The following SDR16C5 variants were observed in gnomAD, a reference collection of about 807,000 sequenced individuals.
SDR16C5 encodes epidermal retinol dehydrogenase 2.
A neutral mutation model predicts 27.7 loss-of-function variants in SDR16C5; 20 were observed. That is an observed-to-expected ratio of 0.72 (90% CI 0.51 to 1.05). The LOEUF is 1.05. SDR16C5 is among the 50% of genes least tolerant of loss of function. The pLI, the probability that SDR16C5 is intolerant of heterozygous loss-of-function variation, is 0.00. For missense variants in SDR16C5, 374 were observed against 366.3 expected, an observed-to-expected ratio of 1.02 and a Z score of -0.17; for synonymous variants, 139 against 132.3, an observed-to-expected ratio of 1.05 and a Z score of -0.35.
chr8:56,316,333 C>T lies in SDR16C5; in HGVS notation c.15G>A (p.Leu5=). 1 of 1,612,498 alleles carries T rather than the reference C, an allele frequency of 6.2e-7. No individual in the cohort carries two copies. The highest frequency in any genetic ancestry group is 8.5e-7 in the Non-Finnish European group (1 of 1,178,608). The part of the protein sequence containing the change: MSFN[L]QSSKKLFIFL... ...AAATGAACAGTTTCTTTGATGATTG[C>T]AGGTTGAAAGACATGTTCTGGCTGA... is the stretch of plus-strand genomic sequence containing the variant. Residue 5 remains leucine (L), a synonymous_variant, in exon 2 of 7, where the codon CTG becomes CTA. Transcript: ENST00000303749.
Position 56,312,126 on chromosome 8 carries a change from T to C in SDR16C5, c.465+31A>G, listed in dbSNP as rs779761670. 4.5e-6 allele frequency: 7 copies of C among 1,567,614 alleles called. 1 individual carries two copies. In the South Asian group the frequency reaches 7.9e-5, roughly 18 times the overall value. On this transcript the variant is annotated intron_variant, in intron 3 of 6. Transcript: ENST00000303749. ...ATACTTCCAAATGCCAGAATAATTT[T>C]ACATTTATGATGAGAAGAAACAATT...
intron 2 of SDR16C5, among the ~76,000 whole-genome samples, chr8:56,314,775 C>A (rs1237629985): frequency 1.3e-5 from 2 of 152,192 alleles, no homozygotes; most frequent in Admixed American, 6.5e-5. Flanking sequence ...GACCTGCAAA[C>A]CTTAGCAAGG....
At chr8:56,311,503 G>A (rs901171856) in intron 3 of SDR16C5, among the ~76,000 whole-genome samples, 3 of 152,192 alleles carry the variant, frequency 2.0e-5, no homozygotes, top group Non-Finnish European at 4.4e-5. Context: ...CATGCATAGT[G>A]TGGGGAGGCC....
intron 6 of SDR16C5, 26 bp downstream of exon 6, chr8:56,305,571 G>T (rs1814860010): frequency 7.1e-6 from 11 of 1,549,752 alleles, no homozygotes; most frequent in Non-Finnish European, 9.5e-6. Context: ...GCATGTTAGG[G>T]AAGTAATAGA....
At chr8:56,308,712 G>T (rs996451089) in intron 4 of SDR16C5, among the ~76,000 whole-genome samples, 1 of 152,166 alleles carries the variant, frequency 6.6e-6, no homozygotes, top group Non-Finnish European at 1.5e-5. Context: ...TACTGCATAA[G>T]ACCTAATGAT....
At position 56,300,269 on chromosome 8, in the gene SDR16C5, C is replaced by T. The variant is rs1464914417; in HGVS notation, c.*1211G>A. Reference sequence around the variant, plus strand: ...ACTCAAGGTAAACCATAGTGGATTCCAGAGTTTACACCCCCTGAGACTGCT... The same window carrying T: ...ACTCAAGGTAAACCATAGTGGATTCTAGAGTTTACACCCCCTGAGACTGCT... On this transcript the variant is annotated 3_prime_UTR_variant, in exon 7 of 7. Coordinates refer to ENST00000303749, the MANE Select transcript of SDR16C5 (RefSeq NM_138969.4). 6.6e-6 allele frequency: 1 copy of T among 151,796 alleles called. No homozygotes were observed. The allele number at this position is 151,796 out of a possible 1,614,324, so 9.4% of individuals were successfully genotyped here.
At chr8:56,306,079 G>C (rs943550053) in intron 5 of SDR16C5, among the ~76,000 whole-genome samples, 53 of 152,100 alleles carry the variant, frequency 3.5e-4, no homozygotes, top group Non-Finnish European at 6.9e-4. Flanking sequence ...CTACGGACTG[G>C]GTATTTGTGT....
chr8:56,312,132 TATG>T, intron 3 of SDR16C5, 22 bp downstream of exon 3: 1 of 1,582,872 alleles, frequency 6.3e-7, no homozygotes, highest in Non-Finnish European at 8.7e-7. Context: ...ATTTTACATT[TATG>T]ATGAGAAGAA....
In SDR16C5 at chr8:56,316,377, G is replaced by C; in HGVS notation, c.-14-16C>G. On this transcript the variant is annotated splice_polypyrimidine_tract_variant and intron_variant, in intron 1 of 6. Transcript: ENST00000303749. ...TGGCTGACACCTGTGAAGAAAGACAGATTCACATGAAGACTTATTTGTCCA... is the reference window on the plus strand; with the variant it reads ...TGGCTGACACCTGTGAAGAAAGACACATTCACATGAAGACTTATTTGTCCA... The C allele has an allele frequency of 6.7e-7, 1 of 1,489,932 alleles. No individual in the cohort carries two copies. The highest frequency in any genetic ancestry group is 1.4e-5 in the African/African-American group (1 of 72,422). 92.3% of individuals were successfully genotyped at this position (1,489,932 alleles called of 1,614,324 possible). A position where few individuals can be genotyped will look rare whatever the true frequency, so the allele number is the denominator to read the frequency against.
Position 56,318,026 on chromosome 8 carries a change from G to A in SDR16C5, c.-14-1665C>T, listed in dbSNP as rs73598192. ...GCAGTGTGCTATGGAGAGGATGATC[G>A]GAGAGCTGATTCAGATTGGGCTTGG... On this transcript the variant is annotated intron_variant, in intron 1 of 6. Transcript: ENST00000303749. 5.5e-3 allele frequency among the ~76,000 whole-genome samples: 840 copies of A among 152,252 alleles called. 5 individuals carry two copies. Among genetic ancestry groups the A allele is most frequent in the African/African-American group, 0.018 (737 of 41,536 alleles).
chr8:56,315,060 T>G (rs573278556), intron 2 of SDR16C5, among the ~76,000 whole-genome samples: 2 of 151,890 alleles, frequency 1.3e-5, no homozygotes, highest in South Asian at 2.1e-4. Flanking sequence ...CTGACCAACA[T>G]GGAGAAACCC....
chr8:56,319,391 G>A (rs750860615), intron 1 of SDR16C5, among the ~76,000 whole-genome samples: 20 of 152,190 alleles, frequency 1.3e-4, no homozygotes, highest in Admixed American at 7.2e-4. Flanking sequence ...AATAATCCCT[G>A]GCTATATCAA....
intron 3 of SDR16C5, among the ~76,000 whole-genome samples, chr8:56,309,895 T>C (rs945057240): frequency 6.6e-6 from 1 of 152,164 alleles, no homozygotes; most frequent in African/African-American, 2.4e-5. Flanking sequence ...TTGGACGCTC[T>C]AGCAGTTAAG....
At chr8:56,305,465 T>A (rs1162525967) in intron 6 of SDR16C5, 132 bp downstream of exon 6, 22 of 791,424 alleles carry the variant, frequency 2.8e-5, no homozygotes, top group Non-Finnish European at 4.1e-5. Flanking sequence ...ATGATAGGAC[T>A]AACAGGACTT....
At position 56,311,285 on chromosome 8, in the gene SDR16C5, C is replaced by T. The variant is rs1369719121; in HGVS notation, c.465+872G>A. Among the ~76,000 whole-genome samples, 14 of 152,086 alleles carry T rather than the reference C, an allele frequency of 9.2e-5. 1 individual carries two copies. In the South Asian group the frequency reaches 1.2e-3, roughly 14 times the overall value. On this transcript the variant is annotated intron_variant, in intron 3 of 6. Coordinates refer to ENST00000303749, the MANE Select transcript of SDR16C5 (RefSeq NM_138969.4). ...AAAAAATTAGTTGGGTGTGGTGGCG[C>T]GCACCTGTAATCCCAGCTACTCAGG...
chr8:56,308,816 A>G (rs1814951236), intron 4 of SDR16C5, 112 bp downstream of exon 4: 1 of 675,468 alleles, frequency 1.5e-6, no homozygotes, highest in Non-Finnish European at 2.5e-6. Flanking sequence ...TATACTTTTT[A>G]GTTTATTATC....
chr8:56,309,432 G>A, intron 3 of SDR16C5: 7 of 985,268 alleles, frequency 7.1e-6, no homozygotes, highest in Non-Finnish European at 8.4e-6. Flanking sequence ...CCTGAACATT[G>A]TTCACAGGAC....
chr8:56,301,450 A>G lies in SDR16C5; in HGVS notation c.*30T>C, dbSNP rs369976681. 2 of 1,474,842 alleles carry G rather than the reference A, an allele frequency of 1.4e-6. No individual in the cohort carries two copies. Among genetic ancestry groups the G allele is most frequent in the South Asian group, 2.3e-5 (2 of 88,272 alleles). 91.4% of individuals were successfully genotyped at this position (1,474,842 alleles called of 1,614,324 possible). On this transcript the variant is annotated 3_prime_UTR_variant, in exon 7 of 7. Transcript: ENST00000303749. ...AAGTACGCATTATGTAACACTGTGT[A>G]TCAGATGACCTTAGCCATAGAGTTG...
intron 1 of SDR16C5, among the ~76,000 whole-genome samples, chr8:56,319,168 C>A (rs1815269283): frequency 6.7e-6 from 1 of 149,244 alleles, no homozygotes; most frequent in South Asian, 2.1e-4. Flanking sequence ...AAGTCCTCTG[C>A]GGGGTGCAAG....
Sources: allele counts gnomAD v4.1 joint callset (sites outside exome capture counted in the v4.1 genomes callset), GRCh38; gene constraint gnomAD v4.1.1; transcripts MANE v1.5; gene names NCBI Gene and HGNC (gene_info 2026-07-23, HGNC 2026-07-21).